The following SHB variants were observed in gnomAD, a reference collection of about 807,000 sequenced individuals.
SHB encodes SH2 domain-containing adapter protein B.
A neutral mutation model predicts 52.3 loss-of-function variants in SHB; 20 were observed. The observed-to-expected ratio is 0.38, with a 90% CI of 0.27 to 0.56. SHB has a LOEUF of 0.56. Ranked by LOEUF, SHB falls within the 20% of genes least tolerant of loss-of-function variation. SHB has a pLI of 0.71. For synonymous variants in SHB, 397 were observed against 316.5 expected (o/e 1.25, Z -2.70); for missense variants, 825 against 723.3 (o/e 1.14, Z -1.61).
chr9:38,068,078 T>C lies in SHB; in HGVS notation c.568A>G (p.Ser190Gly), dbSNP rs1821995998. 1 of 1,494,466 alleles carries C rather than the reference T, an allele frequency of 6.7e-7. No homozygotes were observed. The highest frequency in any genetic ancestry group is 2.4e-5 in the Admixed American group (1 of 41,446). The allele number at this position is 1,494,466 out of a possible 1,614,324, so 92.6% of individuals were successfully genotyped here. The change falls in exon 1 of 6, where the codon AGC becomes GGC. Residue 190 changes from serine to glycine, a missense_variant. By Grantham distance (56) the Ser-to-Gly change is moderately conservative (BLOSUM62 0). Coordinates refer to ENST00000377707, the MANE Select transcript of SHB (RefSeq NM_003028.3). ...TCCCCGGCCCCACCGCCCGCGGCGC[T>C]CTCCACTTTGATGAGGCGGTGCTTG... ...SPKHRLIKVE[S>G]AAGGGAGDPL...
chr9:37,965,113 C>G (rs760209664), intron 3 of SHB, among the ~76,000 whole-genome samples: 1 of 152,266 alleles, frequency 6.6e-6, no homozygotes, highest in Non-Finnish European at 1.5e-5. Context: ...ATGAGTCTCC[C>G]TGTCCATAAG....
chr9:38,061,591 T>G (rs767553816), intron 1 of SHB, among the ~76,000 whole-genome samples: 20 of 152,220 alleles, frequency 1.3e-4, no homozygotes, highest in Non-Finnish European at 2.5e-4. Context: ...CACAGCTGTT[T>G]CAGATTTGAC....
chr9:37,951,205 G>A (rs564328780), intron 4 of SHB, among the ~76,000 whole-genome samples: 1 of 152,378 alleles, frequency 6.6e-6, no homozygotes, highest in South Asian at 2.1e-4. Flanking sequence ...AGTCCAGGCA[G>A]TGGCCACCAA....
chr9:38,031,243 C>T (rs1317302136), intron 1 of SHB, among the ~76,000 whole-genome samples: 2 of 152,186 alleles, frequency 1.3e-5, no homozygotes, highest in Non-Finnish European at 2.9e-5. Context: ...ATCGCTTGAA[C>T]CCGGGAGGCA....
chr9:37,963,531 G>A (rs115716582), intron 3 of SHB, among the ~76,000 whole-genome samples: 1,724 of 152,296 alleles, frequency 0.011, 30 homozygotes, highest in African/African-American at 0.039. Flanking sequence ...AATGTACAGA[G>A]GCAGAGTCAA....
At chr9:37,936,782 CTG>C (rs1394798194) in intron 5 of SHB, 1 of 152,164 alleles carries the variant, frequency 6.6e-6, no homozygotes, top group Non-Finnish European at 1.5e-5. Flanking sequence ...GCACCTCAAA[CTG>C]GAAACAAAAA....
At chr9:38,004,394 G>A (rs914088170) in intron 2 of SHB, among the ~76,000 whole-genome samples, 15 of 152,312 alleles carry the variant, frequency 9.8e-5, no homozygotes, top group Middle Eastern at 3.4e-3. Context: ...ACTCGGAAGG[G>A]AAGGGCCGCG....
intron 2 of SHB, among the ~76,000 whole-genome samples, chr9:37,997,627 A>G (rs1023862914): frequency 3.9e-5 from 6 of 152,156 alleles, no homozygotes; most frequent in Non-Finnish European, 7.4e-5. Context: ...AGGGTACAAA[A>G]TGACTGCAGA....
At chr9:37,936,233 C>A (rs1182819763) in intron 5 of SHB, among the ~76,000 whole-genome samples, 1 of 151,760 alleles carries the variant, frequency 6.6e-6, no homozygotes, top group African/African-American at 2.4e-5. Flanking sequence ...AAAACAAAAC[C>A]AAACAAAACA....
At chr9:37,932,273 C>A (rs1300134055) in intron 5 of SHB, among the ~76,000 whole-genome samples, 12 of 56,712 alleles carry the variant, frequency 2.1e-4, no homozygotes, top group East Asian at 4.3e-4. Context: ...AACTCCATCT[C>A]AAAAAAAAAA....
At position 37,985,571 on chromosome 9, in the gene SHB, G is replaced by A. The variant is rs552182390; in HGVS notation, c.839-10734C>T. 1.1e-3 allele frequency among the ~76,000 whole-genome samples: 174 copies of A among 152,356 alleles called. 2 individuals carry two copies. The highest frequency in any genetic ancestry group is 2.9e-4 in the Non-Finnish European group (20 of 68,036). ...CTGAGGCGAGCTTGCTGCTCTGGGG[G>A]CCAAAAGCAGGGGGCGAGTGGGCCT... On this transcript the variant is annotated intron_variant, in intron 2 of 5. Coordinates refer to ENST00000377707, the MANE Select transcript of SHB (RefSeq NM_003028.3).
At chr9:38,043,307 T>A (rs1166232152) in intron 1 of SHB, among the ~76,000 whole-genome samples, 1 of 152,176 alleles carries the variant, frequency 6.6e-6, no homozygotes, top group Non-Finnish European at 1.5e-5. Flanking sequence ...TATTACCTAG[T>A]AGACACATAG....
At chr9:38,043,102 C>CAA (rs528337358) in intron 1 of SHB, among the ~76,000 whole-genome samples, 2 of 152,316 alleles carry the variant, frequency 1.3e-5, no homozygotes, top group South Asian at 4.1e-4. Context: ...ACCCAGTGTT[C>CAA]AAGCCCAGAC....
intron 1 of SHB, among the ~76,000 whole-genome samples, chr9:38,017,658 A>G (rs1465869932): frequency 6.6e-6 from 1 of 152,234 alleles, no homozygotes; most frequent in African/African-American, 2.4e-5. Flanking sequence ...TGGAGCATCT[A>G]TGGCTCCCGC....
Position 37,916,830 on chromosome 9 carries a change from C to G in SHB, c.*2991G>C, listed in dbSNP as rs936318613. On this transcript the variant is annotated 3_prime_UTR_variant, in exon 6 of 6. Transcript: ENST00000377707. Reference sequence around the variant, plus strand: ...GGGGGGCTGCCAGAAGGGCCCTTGACTCCTCAGCGCTCAAGGACAGAGTTG... The same window carrying G: ...GGGGGGCTGCCAGAAGGGCCCTTGAGTCCTCAGCGCTCAAGGACAGAGTTG... 6.6e-6 allele frequency among the ~76,000 whole-genome samples: 1 copy of G among 152,182 alleles called. No individual in the cohort carries two copies. The highest frequency in any genetic ancestry group is 2.4e-5 in the African/African-American group (1 of 41,446).
intron 5 of SHB, 41 bp from the exon 6 acceptor site, chr9:37,920,045 C>T: frequency 6.5e-7 from 1 of 1,542,438 alleles, no homozygotes; most frequent in South Asian, 1.1e-5. Context: ...ACCCCCCTGA[C>T]ACTCAGGCTG....
intron 2 of SHB, among the ~76,000 whole-genome samples, chr9:38,008,145 T>C (rs1397896251): frequency 2.0e-5 from 3 of 152,198 alleles, no homozygotes; most frequent in Non-Finnish European, 4.4e-5. Context: ...GTGCTATCAA[T>C]GACTGTCTGC....
chr9:38,067,467 G>C (rs1821985192), intron 1 of SHB, among the ~76,000 whole-genome samples: 1 of 152,274 alleles, frequency 6.6e-6, no homozygotes, highest in South Asian at 2.1e-4. Context: ...GGAGACAGCC[G>C]GTCCGGATCT....
chr9:37,957,705 T>C (rs1212230671), intron 3 of SHB, among the ~76,000 whole-genome samples: 1 of 152,216 alleles, frequency 6.6e-6, no homozygotes, highest in African/African-American at 2.4e-5. Context: ...CAGAGATACC[T>C]GCCTTATGGA....
Sources: gnomAD v4.1 joint callset for allele counts (sites outside exome capture counted in the v4.1 genomes callset) on GRCh38, gnomAD v4.1.1 for gene constraint, MANE v1.5 for transcripts, NCBI Gene and HGNC (gene_info 2026-07-23, HGNC 2026-07-21) for gene names.